OSBPL3: variants seen among roughly 807,000 people sequenced by gnomAD.
OSBPL3 encodes oxysterol-binding protein-related protein 3.
In OSBPL3, 65 loss-of-function variants were observed where a neutral mutation model predicts 120.1. The ratio of observed to expected loss-of-function variants is 0.54; its 90% CI spans 0.44 to 0.67. OSBPL3 has a LOEUF of 0.67. Ranked by LOEUF, OSBPL3 falls within the 30% of genes least tolerant of loss-of-function variation. OSBPL3 has a pLI of 0.00. For synonymous variants in OSBPL3, 416 were observed against 402.6 expected (o/e 1.03, Z -0.40); for missense variants, 1,004 against 1,082.1 (o/e 0.93, Z 1.01).
chr7:24,806,160 T>C lies in OSBPL3; in HGVS notation c.2444+616A>G, dbSNP rs1467788761. On this transcript the variant is annotated intron_variant, in intron 21 of 22. Transcript: ENST00000313367. This position sits in a 1 kb window ranked among gnomAD's most constrained non-coding sequence, Gnocchi z 5.2. ...TTAGTACAGACGGGGTTTCGCCATA[T>C]TGGCCAGGCTGGTCTTGAACTCCTG... Among the ~76,000 whole-genome samples, 1 of 152,246 alleles carries C rather than the reference T, an allele frequency of 6.6e-6. No homozygotes were observed. Among genetic ancestry groups the C allele is most frequent in the Non-Finnish European group, 1.5e-5 (1 of 68,044 alleles).
intron 16 of OSBPL3, among the ~76,000 whole-genome samples, chr7:24,823,243 T>G (rs1795322693): frequency 6.6e-6 from 1 of 151,980 alleles, no homozygotes; most frequent in Non-Finnish European, 1.5e-5. Context: ...CTCGGCCAAC[T>G]AAAAAAAGAA....
At position 24,946,618 on chromosome 7, in the gene OSBPL3, G is replaced by A. The variant is rs1428173825; in HGVS notation, c.-150+33268C>T. On this transcript the variant is annotated intron_variant, in intron 1 of 22. Coordinates refer to ENST00000313367, the MANE Select transcript of OSBPL3 (RefSeq NM_015550.4). This position sits in a 1 kb window ranked among gnomAD's most constrained non-coding sequence, Gnocchi z 4.3. ...TAACTGAATTATTAGCCTAACAAGA[G>A]GGTTACAAAGCTGCTTTTGGACTTT... 6.6e-6 allele frequency among the ~76,000 whole-genome samples: 1 copy of A among 152,158 alleles called. No individual in the cohort carries two copies. The highest frequency in any genetic ancestry group is 1.5e-5 in the Non-Finnish European group (1 of 68,020).
chr7:24,969,679 C>T (rs1319682847), intron 1 of OSBPL3, among the ~76,000 whole-genome samples: 2 of 152,018 alleles, frequency 1.3e-5, no homozygotes, highest in African/African-American at 4.8e-5. Flanking sequence ...TTGCCTTCTC[C>T]CTCAACCCTA....
chr7:24,870,971 C>A, intron 4 of OSBPL3, 126 bp from the exon 5 acceptor site: 2 of 686,424 alleles, frequency 2.9e-6, no homozygotes, highest in East Asian at 2.7e-5. Flanking sequence ...AAGCACTTAG[C>A]GTGAGCCAGT....
At chr7:24,925,870 G>T (rs1810985894) in intron 1 of OSBPL3, among the ~76,000 whole-genome samples, 1 of 152,230 alleles carries the variant, frequency 6.6e-6, no homozygotes, top group Non-Finnish European at 1.5e-5. Flanking sequence ...TGTGGAAAAG[G>T]TTGAACAGAA....
At position 24,821,306 on chromosome 7, in the gene OSBPL3, G is replaced by A. The variant is rs1795112156; in HGVS notation, c.1885-1068C>T. ...GTAGCGGTAAGTCCCAGCAGTTTTG[G>A]TTTACCTCACTGGTTTTCAAACTTT... On this transcript the variant is annotated intron_variant, in intron 16 of 22. Transcript: ENST00000313367. This position sits in a 1 kb window ranked among gnomAD's most constrained non-coding sequence, Gnocchi z 5.5. 6.6e-6 allele frequency among the ~76,000 whole-genome samples: 1 copy of A among 152,090 alleles called. No homozygotes were observed. Among genetic ancestry groups the A allele is most frequent in the African/African-American group, 2.4e-5 (1 of 41,406 alleles).
intron 12 of OSBPL3, among the ~76,000 whole-genome samples, chr7:24,847,407 C>G (rs779901816): frequency 5.1e-4 from 78 of 152,286 alleles, no homozygotes; most frequent in Non-Finnish European, 9.7e-4. Flanking sequence ...ATCACTGATT[C>G]AAGACTCAAG....
At chr7:24,914,178 G>A (rs981585933) in intron 1 of OSBPL3, among the ~76,000 whole-genome samples, 1 of 151,954 alleles carries the variant, frequency 6.6e-6, no homozygotes, top group African/African-American at 2.4e-5. Flanking sequence ...AGGGAGAAGA[G>A]ACAAGAGCCC....
Position 24,796,981 on chromosome 7 carries a change from C to A in OSBPL3, c.*3202G>T, listed in dbSNP as rs530099157. On this transcript the variant is annotated 3_prime_UTR_variant, in exon 23 of 23. Coordinates refer to ENST00000313367, the MANE Select transcript of OSBPL3 (RefSeq NM_015550.4). The surrounding 1 kb of genome is among the most constrained non-coding windows in gnomAD (Gnocchi z 5.2). ...AATAAAGACATTCAAACAAATTATGCCAATACATTGGAACTATTATTCCTA... is the reference window on the plus strand; with the variant it reads ...AATAAAGACATTCAAACAAATTATGACAATACATTGGAACTATTATTCCTA... The A allele has an allele frequency of 6.6e-6, 1 of 152,162 alleles. No individual in the cohort carries two copies. The highest frequency in any genetic ancestry group is 2.4e-5 in the African/African-American group (1 of 41,426). 9.4% of individuals were successfully genotyped at this position (152,162 alleles called of 1,614,324 possible). A position where few individuals can be genotyped will look rare whatever the true frequency, so the allele number is the denominator to read the frequency against.
intron 2 of OSBPL3, among the ~76,000 whole-genome samples, chr7:24,876,734 G>T (rs1462307643): frequency 2.6e-5 from 4 of 152,148 alleles, no homozygotes; most frequent in African/African-American, 9.7e-5. Flanking sequence ...ATCCAGTGGG[G>T]TCGGCTGAAA....
chr7:24,835,918 A>G lies in OSBPL3; in HGVS notation c.1496-1182T>C, dbSNP rs138055007. Among the ~76,000 whole-genome samples the G allele has an allele frequency of 1.8e-3, 271 of 152,024 alleles. No individual in the cohort carries two copies. The highest frequency in any genetic ancestry group is 6.3e-3 in the African/African-American group (263 of 41,500). Reference sequence around the variant, plus strand: ...CACCAGGGCCTACTGGAATGTGGAGAGTGGGTGGAGGGTGGGTAGTGGGTG... The same window carrying G: ...CACCAGGGCCTACTGGAATGTGGAGGGTGGGTGGAGGGTGGGTAGTGGGTG... On this transcript the variant is annotated intron_variant, in intron 14 of 22. Coordinates refer to ENST00000313367, the MANE Select transcript of OSBPL3 (RefSeq NM_015550.4). The surrounding 1 kb of genome is among the most constrained non-coding windows in gnomAD (Gnocchi z 4.8).
rs1212020990 is a variant in OSBPL3 at position 24,972,709 on chromosome 7, T to C, written c.-150+7177A>G. On this transcript the variant is annotated intron_variant, in intron 1 of 22. Transcript: ENST00000313367. The surrounding 1 kb of genome is among the most constrained non-coding windows in gnomAD (Gnocchi z 4.3). ...AATAAGAGTTGCTGAGATTAAAAAATATATACATACATAAATATACACACA... is the reference window on the plus strand; with the variant it reads ...AATAAGAGTTGCTGAGATTAAAAAACATATACATACATAAATATACACACA... Among the ~76,000 whole-genome samples, 1 of 152,152 alleles carries C rather than the reference T, an allele frequency of 6.6e-6. No homozygotes were observed. The highest frequency in any genetic ancestry group is 1.5e-5 in the Non-Finnish European group (1 of 68,024).
chr7:24,889,538 C>T (rs1805026266), intron 2 of OSBPL3, among the ~76,000 whole-genome samples: 1 of 151,944 alleles, frequency 6.6e-6, no homozygotes, highest in Non-Finnish European at 1.5e-5. Context: ...TGTATCAACA[C>T]ATCACATTAT....
In OSBPL3 at chr7:24,918,046, C is replaced by A; in HGVS notation, c.-149-25425G>T. On this transcript the variant is annotated intron_variant, in intron 1 of 22. Transcript: ENST00000313367. This position sits in a 1 kb window ranked among gnomAD's most constrained non-coding sequence, Gnocchi z 4.3. ...GTCCATAAAATGACTAGCACTCTTACCTATAAAGGTTGGCTTATCCTCGAC... is the reference window on the plus strand; with the variant it reads ...GTCCATAAAATGACTAGCACTCTTAACTATAAAGGTTGGCTTATCCTCGAC... 1.0e-6 allele frequency: 1 copy of A among 982,506 alleles called. No individual in the cohort carries two copies. The highest frequency in any genetic ancestry group is 1.2e-6 in the Non-Finnish European group (1 of 827,292). 60.9% of individuals were successfully genotyped at this position (982,506 alleles called of 1,614,324 possible).
rs530413526 is a variant in OSBPL3 at position 24,898,599 on chromosome 7, G to A, written c.-149-5978C>T. ...TCTTCAGGGGACATCAGATTGCTCA[G>A]AGCCCAATCCAGCAACAGAAATGCA... On this transcript the variant is annotated intron_variant, in intron 1 of 22. Coordinates refer to ENST00000313367, the MANE Select transcript of OSBPL3 (RefSeq NM_015550.4). The surrounding 1 kb of genome is among the most constrained non-coding windows in gnomAD (Gnocchi z 4.3). Among the ~76,000 whole-genome samples, 195 of 152,284 alleles carry A rather than the reference G, an allele frequency of 1.3e-3. No homozygotes were observed. The highest frequency in any genetic ancestry group is 4.6e-3 in the African/African-American group (190 of 41,556).
At position 24,936,381 on chromosome 7, in the gene OSBPL3, T is replaced by C. The variant is rs1049416218; in HGVS notation, c.-150+43505A>G. The stretch of plus-strand genomic sequence containing the variant: ...CTATGTACTAAAATTATGCAAAGGT[T>C]CTCCAAGACCTCAACATGCACAAGA... On this transcript the variant is annotated intron_variant, in intron 1 of 22. Transcript: ENST00000313367. This position sits in a 1 kb window ranked among gnomAD's most constrained non-coding sequence, Gnocchi z 4.2. Among the ~76,000 whole-genome samples the C allele has an allele frequency of 6.6e-6, 1 of 152,152 alleles. No individual in the cohort carries two copies. Among genetic ancestry groups the C allele is most frequent in the African/African-American group, 2.4e-5 (1 of 41,420 alleles).
intron 1 of OSBPL3, among the ~76,000 whole-genome samples, chr7:24,975,500 T>C (rs1817481468): frequency 6.6e-6 from 1 of 152,162 alleles, no homozygotes; most frequent in Admixed American, 6.5e-5. Flanking sequence ...CAGAATACTC[T>C]AACAAAATTT....
chr7:24,874,210 A>G (rs1008426042), intron 2 of OSBPL3, among the ~76,000 whole-genome samples: 1 of 152,244 alleles, frequency 6.6e-6, no homozygotes, highest in Non-Finnish European at 1.5e-5. Flanking sequence ...TTTACAAATT[A>G]GATACAATGC....
At chr7:24,970,102 TTC>T (rs374277189) in intron 1 of OSBPL3, among the ~76,000 whole-genome samples, 4 of 123,724 alleles carry the variant, frequency 3.2e-5, no homozygotes, top group East Asian at 2.5e-4. Context: ...CTTCGTCCCT[TTC>T]TTTTTTTTTT....
Sources: allele counts gnomAD v4.1 joint callset (sites outside exome capture counted in the v4.1 genomes callset), GRCh38; gene constraint gnomAD v4.1.1; non-coding constraint Gnocchi (gnomAD v3.1); transcripts MANE v1.5; gene names NCBI Gene and HGNC (gene_info 2026-07-23, HGNC 2026-07-21).